Variants in RTEL1 observed in about 807,000 individuals in gnomAD.
The protein encoded by RTEL1 is regulator of telomere length.
RTEL1 carries 86 observed loss-of-function variants against 162.2 expected under a neutral mutation model. The observed-to-expected ratio is 0.53, with a 90% CI of 0.45 to 0.63. The LOEUF (loss-of-function observed/expected upper bound fraction) is 0.63. Ranked by LOEUF, RTEL1 falls within the 30% of genes least tolerant of loss-of-function variation. RTEL1 has a pLI of 0.00. For synonymous variants in RTEL1, 958 were observed against 717.9 expected (o/e 1.33, Z -5.35); for missense variants, 1,941 against 1,750.2 (o/e 1.11, Z -1.95).
chr20:63,679,922 C>G lies in RTEL1; in HGVS notation c.1111C>G (p.Gln371Glu), dbSNP rs1274681944. ...GGGCTGCATCCTGGACTCGCTGGAC[C>G]AGATCATCCAGCACCTGGCAGGACG... The part of the protein sequence containing the change: ...TKGCILDSLD[Q>E]IIQHLAGRAG... The change falls in exon 13 of 35, where the codon CAG (glutamine) becomes GAG (glutamate). Residue 371 changes from glutamine to glutamate, a missense_variant. Gln to Glu is a conservative substitution (Grantham distance 29). Transcript: ENST00000360203. 4.3e-6 allele frequency: 7 copies of G among 1,612,254 alleles called. No individual in the cohort carries two copies. Among genetic ancestry groups the G allele is most frequent in the Non-Finnish European group, 5.9e-6 (7 of 1,179,714 alleles).
In RTEL1 at chr20:63,685,591, C is replaced by G; in HGVS notation, c.1260C>G (p.Ser420=). Residue 420 remains serine, a synonymous_variant, in exon 15 of 35, where the codon TCC becomes TCG. Transcript: ENST00000360203. ...CAGCAGGGCTGGGGGCCTTACAGTC[C>G]TATAAGGTAGGGGCCACCTCCAGGA... The part of the protein sequence containing the change: ...GSPAGLGALQ[S]YKVHIHPDAG... 6.2e-7 allele frequency: 1 copy of G among 1,611,310 alleles called. No individual in the cohort carries two copies. The highest frequency in any genetic ancestry group is 8.5e-7 in the Non-Finnish European group (1 of 1,179,444).
rs1270046933 is a variant in RTEL1, at chr20:63,694,735, C to T, written c.3110-6C>T. On this transcript the variant is annotated splice_region_variant and splice_polypyrimidine_tract_variant and intron_variant, in intron 31 of 34. Coordinates refer to ENST00000360203, the MANE Select transcript of RTEL1 (RefSeq NM_001283009.2). ...GCCACTCTGAGCCATGCTACTCCCA[C>T]ACCAGGAGACCCTGGCAGCCAACCA... The T allele has an allele frequency of 6.3e-7, 1 of 1,595,486 alleles. No homozygotes were observed. The highest frequency in any genetic ancestry group is 8.5e-7 in the Non-Finnish European group (1 of 1,170,668).
In RTEL1 at chr20:63,668,916, G is replaced by A. The variant is rs969283502; in HGVS notation, c.699+1363G>A. Among the ~76,000 whole-genome samples, 11 of 152,308 alleles carry A rather than the reference G, an allele frequency of 7.2e-5. No homozygotes were observed. In the South Asian group the frequency reaches 8.3e-4, roughly 11 times the overall value. ...AGCTGCAGGAGTGGAGGTGGAGATG[G>A]CCCAGCTCAGGCACAGGCCTGCAGG... On this transcript the variant is annotated intron_variant, in intron 8 of 34. Coordinates refer to ENST00000360203, the MANE Select transcript of RTEL1 (RefSeq NM_001283009.2). The surrounding 1 kb of genome is among the most constrained non-coding windows in gnomAD (Gnocchi z 4.3).
chr20:63,676,123 C>T (rs377732774), intron 10 of RTEL1, among the ~76,000 whole-genome samples: 33 of 152,200 alleles, frequency 2.2e-4, no homozygotes, highest in African/African-American at 3.6e-4. Flanking sequence ...GGCTGGAGAG[C>T]GGTGGTGCCA....
chr20:63,691,982 C>T (rs748541119), intron 28 of RTEL1, 145 bp downstream of exon 28: 76 of 607,750 alleles, frequency 1.3e-4, no homozygotes, highest in Non-Finnish European at 1.6e-4. Flanking sequence ...GTGATGCTGA[C>T]GGCCAGGGGC....
intron 30 of RTEL1, among the ~76,000 whole-genome samples, chr20:63,693,645 TCCACCTCCACCA>T (rs2090873107): frequency 2.0e-3 from 4 of 1,954 alleles, no homozygotes; most frequent in East Asian, 0.016. Context: ...CACCACCACC[TCCACCTCCACCA>T]CCACCTCCAC....
At chr20:63,676,078 A>G (rs2090343720) in intron 10 of RTEL1, among the ~76,000 whole-genome samples, 1 of 151,012 alleles carries the variant, frequency 6.6e-6, no homozygotes, top group Non-Finnish European at 1.5e-5. Flanking sequence ...CTGTTCCCCC[A>G]CCCCTTTGGA....
At position 63,668,492 on chromosome 20, in the gene RTEL1, A is replaced by T. The variant is rs2090185588; in HGVS notation, c.699+939A>T. Among the ~76,000 whole-genome samples the T allele has an allele frequency of 6.6e-6, 1 of 151,936 alleles. No homozygotes were observed. Among genetic ancestry groups the T allele is most frequent in the African/African-American group, 2.4e-5 (1 of 41,338 alleles). On this transcript the variant is annotated intron_variant, in intron 8 of 34. Transcript: ENST00000360203. This position sits in a 1 kb window ranked among gnomAD's most constrained non-coding sequence, Gnocchi z 4.3. ...TGAAGGGAAATAGAGCAGAGGGAGG[A>T]GGCGGAGACCGAGCCAAGCGGGCCC... is the stretch of plus-strand genomic sequence containing the variant.
Position 63,661,291 on chromosome 20 carries a change from C to T in RTEL1, c.103-7C>T, listed in dbSNP as rs746078784. 18 of 1,610,878 alleles carry T rather than the reference C, an allele frequency of 1.1e-5. No homozygotes were observed. Among genetic ancestry groups the T allele is most frequent in the East Asian group, 2.2e-5 (1 of 44,890 alleles). ...TCCCCGTAACCCTTGCTCCGAACTC[C>T]GTTCAGAAGGTGAATGGCATCCTGG... On this transcript the variant is annotated splice_region_variant and splice_polypyrimidine_tract_variant and intron_variant, in intron 2 of 34. Coordinates refer to ENST00000360203, the MANE Select transcript of RTEL1 (RefSeq NM_001283009.2). The surrounding 1 kb of genome is among the most constrained non-coding windows in gnomAD (Gnocchi z 5.1).
chr20:63,693,238 A>G lies in RTEL1; in HGVS notation c.2947A>G (p.Ser983Gly), dbSNP rs2090807633. 3.1e-6 allele frequency: 5 copies of G among 1,612,042 alleles called. No homozygotes were observed. The highest frequency in any genetic ancestry group is 4.2e-6 in the Non-Finnish European group (5 of 1,179,468). ...AGGCTGTGGCTATCGGCCTGAGCAC[A>G]GCATTCCCCGAAGGCAGCGGGCACA... ...GRGCGYRPEH[S>G]IPRRQRAQPV... Residue 983 changes from serine to glycine, a missense_variant, in exon 30 of 35, where the codon AGC becomes GGC. Transcript: ENST00000360203.
At chr20:63,690,653 C>T in intron 26 of RTEL1, 152 bp from the exon 27 acceptor site, 4 of 1,039,022 alleles carry the variant, frequency 3.8e-6, no homozygotes, top group Non-Finnish European at 5.4e-6. Flanking sequence ...AAGGATGCCC[C>T]CCGAGGCTGA....
chr20:63,678,132 T>G lies in RTEL1; in HGVS notation c.920-13T>G. The G allele has an allele frequency of 6.2e-7, 1 of 1,614,184 alleles. No homozygotes were observed. The highest frequency in any genetic ancestry group is 8.5e-7 in the Non-Finnish European group (1 of 1,180,032). ...GTGATGCAGACTGCCTTTGCTGCCT[T>G]TCTCTTGCCCAGGGCTGAACATGGA... is the stretch of plus-strand genomic sequence containing the variant. On this transcript the variant is annotated splice_polypyrimidine_tract_variant and intron_variant, in intron 10 of 34. Transcript: ENST00000360203.
Position 63,696,158 on chromosome 20 carries a change from C to T in RTEL1, c.*300C>T. ...CCACAGGGGCACCCCAGCTGAGCCC[C>T]TCACCGGGAAGGAGGAGACCCCCGT... On this transcript the variant is annotated 3_prime_UTR_variant, in exon 35 of 35. Coordinates refer to ENST00000360203, the MANE Select transcript of RTEL1 (RefSeq NM_001283009.2). 1 of 486,718 alleles carries T rather than the reference C, an allele frequency of 2.1e-6. No homozygotes were observed. The highest frequency in any genetic ancestry group is 3.7e-5 in the Admixed American group (1 of 27,016). 30.1% of individuals were successfully genotyped at this position (486,718 alleles called of 1,614,324 possible).
At chr20:63,669,529 A>T (rs1017378629) in intron 8 of RTEL1, among the ~76,000 whole-genome samples, 9 of 152,330 alleles carry the variant, frequency 5.9e-5, no homozygotes, top group Non-Finnish European at 1.0e-4. Context: ...GACTTAAAAA[A>T]TTTTTTCAGC....
chr20:63,661,536 G>A lies in RTEL1; in HGVS notation c.301+40G>A. 1.3e-6 allele frequency: 2 copies of A among 1,583,104 alleles called. No homozygotes were observed. Among genetic ancestry groups the A allele is most frequent in the Admixed American group, 1.7e-5 (1 of 58,216 alleles). On this transcript the variant is annotated intron_variant, in intron 3 of 34. Transcript: ENST00000360203. This position sits in a 1 kb window ranked among gnomAD's most constrained non-coding sequence, Gnocchi z 5.1. ...CAGGCCTCTCCTGGCCTCCTGTGGG[G>A]ATGGTTGGCAAGGGATGGCGCTGAG...
chr20:63,676,091 T>TG (rs561350761), intron 10 of RTEL1, among the ~76,000 whole-genome samples: 114 of 151,906 alleles, frequency 7.5e-4, no homozygotes, highest in Middle Eastern at 3.4e-3. Context: ...CCTTTGGAGA[T>TG]GGGGTCTCAC....
At position 63,693,495 on chromosome 20, in the gene RTEL1, ACCTC is replaced by A. The variant is rs1568720318; in HGVS notation, c.2992+214_2992+217del. Among the ~76,000 whole-genome samples, 9 of 50,478 alleles carry A rather than the reference ACCTC, an allele frequency of 1.8e-4. 1 individual carries two copies. The highest frequency in any genetic ancestry group is 1.2e-4 in the Non-Finnish European group (3 of 25,636). The allele number at this position is 50,478 out of a possible 152,430, so 33.1% of individuals were successfully genotyped here. ...CACCTCCACCTCCACCACCACCTCC[ACCTC>A]CACCACCACCTCCTCCACCACCACC... On this transcript the variant is annotated intron_variant, in intron 30 of 34. Coordinates refer to ENST00000360203, the MANE Select transcript of RTEL1 (RefSeq NM_001283009.2).
intron 26 of RTEL1, 62 bp downstream of exon 26, chr20:63,690,503 G>GGGC: frequency 2.5e-5 from 26 of 1,028,384 alleles, no homozygotes; most frequent in East Asian, 1.0e-4. Context: ...CGTGGGGCGG[G>GGGC]CAGCACCAGG....
chr20:63,689,908 C>T (rs2090687441), intron 24 of RTEL1, 43 bp downstream of exon 24: 4 of 1,569,450 alleles, frequency 2.5e-6, no homozygotes, highest in Non-Finnish European at 3.5e-6. Flanking sequence ...GGGGACACGC[C>T]CACACCCCAC....
Sources: gnomAD v4.1 joint callset for allele counts (sites outside exome capture counted in the v4.1 genomes callset) on GRCh38, gnomAD v4.1.1 for gene constraint, Gnocchi (gnomAD v3.1) non-coding constraint, MANE v1.5 for transcripts, NCBI Gene and HGNC (gene_info 2026-07-23, HGNC 2026-07-21) for gene names.